Variants in SPECC1 observed in about 807,000 individuals in gnomAD.
The protein encoded by SPECC1 is sperm antigen with calponin homology and coiled-coil domains 1, also known as cytospin-B.
In SPECC1, 62 loss-of-function variants were observed where a neutral mutation model predicts 104.1. That is an observed-to-expected ratio of 0.60 (90% CI 0.49 to 0.74). SPECC1 has a LOEUF of 0.74. Among genes scored for constraint, SPECC1 ranks in the 30% least tolerant of loss-of-function variants. SPECC1 has a pLI of 0.00. For missense variants in SPECC1, 1,306 were observed against 1,310.5 expected (o/e 1.00, Z 0.05); for synonymous variants, 513 against 501.6 (o/e 1.02, Z -0.30).
At chr17:20,304,494 A>G (rs985932653) in intron 13 of SPECC1, among the ~76,000 whole-genome samples, 1 of 152,158 alleles carries the variant, frequency 6.6e-6, no homozygotes, top group East Asian at 1.9e-4. Context: ...GAGTCCCCAA[A>G]AGAAGCCACA....
At chr17:20,129,072 T>C (rs2049466768) in intron 3 of SPECC1, among the ~76,000 whole-genome samples, 2 of 152,104 alleles carry the variant, frequency 1.3e-5, no homozygotes, top group South Asian at 4.1e-4. Context: ...TTTTAAATTT[T>C]TTTGTAGAGA....
chr17:20,287,934 C>A (rs2041013890), intron 12 of SPECC1, among the ~76,000 whole-genome samples: 1 of 152,058 alleles, frequency 6.6e-6, no homozygotes. Context: ...ATTAGTGATT[C>A]TTCCTGATGC....
rs1281151816 is a variant in SPECC1, at chr17:20,081,580, A to G, written c.-21-15051A>G. On this transcript the variant is annotated intron_variant, in intron 1 of 14. Transcript: ENST00000395527. ...ATCTGACCTACATTGCTAAAGGATC[A>G]TTGTGGTTAGTGTGGAAAGATTAGC... 2.6e-5 allele frequency among the ~76,000 whole-genome samples: 4 copies of G among 152,078 alleles called. 1 individual carries two copies. The South Asian group carries it at 8.3e-4, about 32-fold the overall frequency.
chr17:20,308,071 A>T (rs2041822103), intron 14 of SPECC1, among the ~76,000 whole-genome samples: 1 of 152,152 alleles, frequency 6.6e-6, no homozygotes, highest in Non-Finnish European at 1.5e-5. Context: ...GGATTGGGAA[A>T]ATCTAAGTTG....
chr17:20,211,481 A>T (rs1327256950), intron 4 of SPECC1, among the ~76,000 whole-genome samples: 1 of 152,202 alleles, frequency 6.6e-6, no homozygotes, highest in East Asian at 1.9e-4. Flanking sequence ...TGGCCTGGGG[A>T]AAATTGCCAC....
intron 1 of SPECC1, among the ~76,000 whole-genome samples, chr17:20,015,061 C>T (rs750328182): frequency 2.6e-5 from 4 of 152,154 alleles, no homozygotes; most frequent in African/African-American, 9.7e-5. Context: ...GGGCACCACA[C>T]TGGCTTAAGA....
chr17:20,039,959 T>C (rs2045256093), intron 1 of SPECC1, among the ~76,000 whole-genome samples: 1 of 152,332 alleles, frequency 6.6e-6, no homozygotes, highest in African/African-American at 2.4e-5. Flanking sequence ...ATTGATAAGT[T>C]AGGGCTTAAG....
chr17:20,204,915 C>T lies in SPECC1; in HGVS notation c.866C>T (p.Thr289Ile), dbSNP rs1472009052. 6.2e-6 allele frequency: 10 copies of T among 1,613,964 alleles called. No individual in the cohort carries two copies. The highest frequency in any genetic ancestry group is 2.7e-5 in the African/African-American group (2 of 74,910). The change falls in exon 4 of 15, where the codon ACT becomes ATT. Residue 289 changes from threonine to isoleucine, a missense_variant. Physicochemically the swap from Thr to Ile is moderately conservative, Grantham distance 89. Coordinates refer to ENST00000395527, the MANE Select transcript of SPECC1 (RefSeq NM_001243439.2). The stretch of plus-strand genomic sequence containing the variant: ...CAAGAGTCAAGCTTCGGAAGCCCAA[C>T]TGGAAATCAGATGTCCAGTGACATT... ...ITQESSFGSP[T>I]GNQMSSDIDE...
At chr17:20,095,327 CATT>C (rs1032241545) in intron 1 of SPECC1, among the ~76,000 whole-genome samples, 3 of 152,186 alleles carry the variant, frequency 2.0e-5, no homozygotes, top group Non-Finnish European at 4.4e-5. Flanking sequence ...GTAACTGAAT[CATT>C]AATAGTTTTC....
chr17:20,235,588 G>A (rs2038862933), intron 7 of SPECC1, among the ~76,000 whole-genome samples: 1 of 152,132 alleles, frequency 6.6e-6, no homozygotes, highest in Non-Finnish European at 1.5e-5. Flanking sequence ...CGTGAGCAGT[G>A]CATGGCACAG....
intron 2 of SPECC1, 36 bp downstream of exon 2, chr17:20,096,834 C>A: frequency 6.3e-7 from 1 of 1,586,658 alleles, no homozygotes; most frequent in South Asian, 1.1e-5. Flanking sequence ...GGCAGAGCGC[C>A]TGGATACCCT....
chr17:20,204,964 T>G lies in SPECC1; in HGVS notation c.915T>G (p.His305Gln). ...SDIDEYKKNI[H>Q]GNALRTSGSS... The stretch of plus-strand genomic sequence containing the variant: ...TTGATGAGTATAAAAAAAACATACA[T>G]GGAAATGCATTACGGACATCAGGCT... The change falls in exon 4 of 15, where the codon CAT becomes CAG. Residue 305 changes from histidine to glutamine, a missense_variant. Physicochemically the swap from His to Gln is conservative, Grantham distance 24. Around this residue, in one of 2 missense-constraint regions of SPECC1, gnomAD observed 1,177 missense variants for 1,139.9 expected, o/e 1.03. Coordinates refer to ENST00000395527, the MANE Select transcript of SPECC1 (RefSeq NM_001243439.2). The G allele has an allele frequency of 6.2e-7, 1 of 1,614,100 alleles. No homozygotes were observed. The highest frequency in any genetic ancestry group is 8.5e-7 in the Non-Finnish European group (1 of 1,180,012).
Position 20,253,525 on chromosome 17 carries a change from T to C in SPECC1, c.2619T>C (p.Ser873=). ...SPMQRHSTYS[S]VRPASRGVTQ... ...TACAGAGGCATTCGACTTACAGCAG[T>C]GTGCGGCCAGCCAGCAGAGGGGTGA... The change falls in exon 10 of 15, where the codon AGT becomes AGC. Residue 873 remains serine (S), a synonymous_variant. Transcript: ENST00000395527. The C allele has an allele frequency of 1.2e-6, 2 of 1,614,066 alleles. No homozygotes were observed. Among genetic ancestry groups the C allele is most frequent in the Non-Finnish European group, 1.7e-6 (2 of 1,180,034 alleles).
At chr17:20,191,592 C>T (rs2035676312) in intron 3 of SPECC1, among the ~76,000 whole-genome samples, 3 of 151,120 alleles carry the variant, frequency 2.0e-5, no homozygotes, top group Admixed American at 2.0e-4. Flanking sequence ...TTTGTTGCAC[C>T]CATCATCAAC....
intron 1 of SPECC1, among the ~76,000 whole-genome samples, chr17:20,053,303 A>G (rs980029140): frequency 6.6e-6 from 1 of 152,198 alleles, no homozygotes; most frequent in African/African-American, 2.4e-5. Context: ...TGCTAAAGTC[A>G]TGACCATCTA....
intron 1 of SPECC1, among the ~76,000 whole-genome samples, chr17:20,035,543 A>T (rs1408970284): frequency 1.3e-5 from 2 of 152,204 alleles, no homozygotes; most frequent in African/African-American, 4.8e-5. Flanking sequence ...TCAGGCAATT[A>T]AAAACAGTAT....
chr17:20,130,793 C>A (rs2049577891), intron 3 of SPECC1, among the ~76,000 whole-genome samples: 1 of 152,148 alleles, frequency 6.6e-6, no homozygotes, highest in Non-Finnish European at 1.5e-5. Flanking sequence ...TTGTGTTGAA[C>A]CTGTAAATCA....
intron 1 of SPECC1, among the ~76,000 whole-genome samples, chr17:20,067,884 C>T (rs1218462440): frequency 6.6e-6 from 1 of 152,190 alleles, no homozygotes; most frequent in Non-Finnish European, 1.5e-5. Context: ...TTCCCTCATC[C>T]TGTGGCAGCC....
chr17:20,272,225 C>CT (rs1251257883), intron 12 of SPECC1, among the ~76,000 whole-genome samples: 2 of 152,108 alleles, frequency 1.3e-5, no homozygotes, highest in Non-Finnish European at 2.9e-5. Context: ...GCCTGGCCCT[C>CT]TAATTATCAT....
Sources: gnomAD v4.1 joint callset for allele counts (sites outside exome capture counted in the v4.1 genomes callset) on GRCh38, gnomAD v4.1.1 for gene constraint, gnomAD v4.1.1 regional missense constraint, MANE v1.5 for transcripts, NCBI Gene and HGNC (gene_info 2026-07-23, HGNC 2026-07-21) for gene names.